PCDH15: variants seen among roughly 807,000 people sequenced by gnomAD.
The protein encoded by PCDH15 is protocadherin related 15, also known as protocadherin-15.
PCDH15 carries 129 observed loss-of-function variants against 178.5 expected under a neutral mutation model. The observed-to-expected ratio is 0.72, with a 90% CI of 0.63 to 0.84. The LOEUF (loss-of-function observed/expected upper bound fraction) is 0.84. PCDH15 is among the 40% of genes least tolerant of loss of function. PCDH15 has a pLI of 0.00. For synonymous variants in PCDH15, 800 were observed against 732.0 expected (o/e 1.09, Z -1.50); for missense variants, 2,230 against 2,099.9 (o/e 1.06, Z -1.21).
chr10:54,922,278 T>C (rs1837513974), intron 2 of PCDH15, among the ~76,000 whole-genome samples: 1 of 152,070 alleles, frequency 6.6e-6, no homozygotes, highest in Non-Finnish European at 1.5e-5. Context: ...TCCCTTCCAC[T>C]TATGGGCCTG....
intron 3 of PCDH15, among the ~76,000 whole-genome samples, chr10:54,831,725 TA>T (rs1265730852): frequency 6.6e-6 from 1 of 152,108 alleles, no homozygotes; most frequent in East Asian, 1.9e-4. Context: ...TTTACATTTT[TA>T]AAAAGATAAA....
chr10:54,848,424 T>C (rs1049205243), intron 3 of PCDH15, among the ~76,000 whole-genome samples: 1 of 151,236 alleles, frequency 6.6e-6, no homozygotes, highest in Admixed American at 6.6e-5. Context: ...TAATCAGTTA[T>C]TACGGGCATA....
intron 3 of PCDH15, among the ~76,000 whole-genome samples, chr10:54,453,168 G>A (rs1476708605): frequency 6.6e-6 from 1 of 152,032 alleles, no homozygotes; most frequent in Non-Finnish European, 1.5e-5. Flanking sequence ...TATACCCAAA[G>A]GATTACAAAA....
intron 10 of PCDH15, among the ~76,000 whole-genome samples, chr10:54,211,238 AT>A (rs11324743): frequency 0.17 from 26,466 of 152,030 alleles, 4,178 homozygotes; most frequent in African/African-American, 0.43. Context: ...AAACTGGGAC[AT>A]TTAAAAGAGC....
At chr10:53,899,036 T>C (rs971040103) in intron 26 of PCDH15, among the ~76,000 whole-genome samples, 2 of 152,086 alleles carry the variant, frequency 1.3e-5, no homozygotes, top group Non-Finnish European at 2.9e-5. Flanking sequence ...CAGATAATTA[T>C]ATTATTTTCC....
intron 3 of PCDH15, among the ~76,000 whole-genome samples, chr10:54,499,602 T>TA (rs1227173322): frequency 2.0e-5 from 3 of 151,900 alleles, no homozygotes; most frequent in East Asian, 1.9e-4. Context: ...TAGGCAGAAA[T>TA]AAAAAAAATT....
At chr10:55,150,452 A>G (rs1391553259) in intron 2 of PCDH15, among the ~76,000 whole-genome samples, 1 of 152,136 alleles carries the variant, frequency 6.6e-6, no homozygotes, top group African/African-American at 2.4e-5. Context: ...AAATAGAGAA[A>G]TAGGGGTTCT....
At chr10:55,149,658 GA>G (rs375289320) in intron 2 of PCDH15, among the ~76,000 whole-genome samples, 1 of 150,904 alleles carries the variant, frequency 6.6e-6, no homozygotes, top group East Asian at 2.0e-4. Context: ...TCCAATTCTT[GA>G]GTCGTTTTCA....
intron 18 of PCDH15, among the ~76,000 whole-genome samples, chr10:54,023,700 A>G (rs540685025): frequency 2.7e-5 from 4 of 150,340 alleles, no homozygotes; most frequent in African/African-American, 9.8e-5. Context: ...GATAATGTTT[A>G]TTATAATAAA....
intron 2 of PCDH15, among the ~76,000 whole-genome samples, chr10:55,339,645 CTA>C (rs908717527): frequency 6.6e-6 from 1 of 152,052 alleles, no homozygotes; most frequent in African/African-American, 2.4e-5. Context: ...ACCCAGGACT[CTA>C]TAAATAAAAT....
At chr10:55,118,376 A>C (rs574590574) in intron 2 of PCDH15, among the ~76,000 whole-genome samples, 1 of 152,298 alleles carries the variant, frequency 6.6e-6, no homozygotes, top group Non-Finnish European at 1.5e-5. Context: ...TAGCTGTTGC[A>C]TCATGAGGGC....
intron 15 of PCDH15, among the ~76,000 whole-genome samples, chr10:54,122,347 A>G (rs1015971872): frequency 6.6e-6 from 1 of 152,004 alleles, no homozygotes; most frequent in Non-Finnish European, 1.5e-5. Context: ...TCAAGAAACT[A>G]GGCATCAGAG....
chr10:53,843,665 T>A (rs1419206624), intron 28 of PCDH15, among the ~76,000 whole-genome samples: 2 of 152,002 alleles, frequency 1.3e-5, no homozygotes, highest in Non-Finnish European at 2.9e-5. Flanking sequence ...TCTCCTTAAC[T>A]CCCTATTTCC....
At chr10:54,035,975 A>G (rs2093407894) in intron 18 of PCDH15, among the ~76,000 whole-genome samples, 2 of 152,084 alleles carry the variant, frequency 1.3e-5, no homozygotes, top group Middle Eastern at 6.8e-3. Context: ...CAAACTAGCC[A>G]CAACATTCCC....
rs1252252838 is a variant in PCDH15 at position 55,416,910 on chromosome 10, A to G, written c.-156+210715T>C. Among the ~76,000 whole-genome samples, 4 of 151,772 alleles carry G rather than the reference A, an allele frequency of 2.6e-5. No homozygotes were observed. The Admixed American group carries it at 2.6e-4, about 10-fold the overall frequency. On this transcript the variant is annotated intron_variant, in intron 2 of 5. Coordinates refer to the PCDH15 transcript ENST00000613346. ...AATAATGCCCTCTTGGATAAATAAA[A>G]AGAGGCTCAGTGGAGAAACATGTTG...
chr10:55,049,102 G>A (rs1288801970), intron 2 of PCDH15, among the ~76,000 whole-genome samples: 1 of 151,880 alleles, frequency 6.6e-6, no homozygotes, highest in Non-Finnish European at 1.5e-5. Flanking sequence ...CAAATGATCA[G>A]AATAAATTTT....
chr10:55,515,978 ATATT>A (rs1263550119), intron 2 of PCDH15, among the ~76,000 whole-genome samples: 1 of 152,192 alleles, frequency 6.6e-6, no homozygotes, highest in Non-Finnish European at 1.5e-5. Context: ...AGCTCCACAC[ATATT>A]TATGTCCCTG....
At chr10:53,921,947 G>A (rs1386373801) in intron 25 of PCDH15, among the ~76,000 whole-genome samples, 1 of 152,076 alleles carries the variant, frequency 6.6e-6, no homozygotes, top group Non-Finnish European at 1.5e-5. Flanking sequence ...ATTATGAAAT[G>A]TAGATTTTTC....
At chr10:55,334,899 A>C (rs989185739) in intron 2 of PCDH15, among the ~76,000 whole-genome samples, 2 of 152,164 alleles carry the variant, frequency 1.3e-5, no homozygotes, top group Non-Finnish European at 2.9e-5. Context: ...CAGAACTATT[A>C]TTAGATTATA....
Sources: gnomAD v4.1 joint callset for allele counts (sites outside exome capture counted in the v4.1 genomes callset) on GRCh38, gnomAD v4.1.1 for gene constraint, MANE v1.5 for transcripts, NCBI Gene and HGNC (gene_info 2026-07-23, HGNC 2026-07-21) for gene names.